TUBGCP2: variants seen among roughly 807,000 people sequenced by gnomAD.
The protein encoded by TUBGCP2 is tubulin gamma complex component 2.
In TUBGCP2, 55 loss-of-function variants were observed where a neutral mutation model predicts 92.2. That is an observed-to-expected ratio of 0.60 (90% CI 0.48 to 0.75). TUBGCP2 has a LOEUF of 0.75. Among genes scored for constraint, TUBGCP2 ranks in the 30% least tolerant of loss-of-function variants. The pLI, the probability that TUBGCP2 is intolerant of heterozygous loss-of-function variation, is 0.00. For synonymous variants in TUBGCP2, 533 were observed against 505.2 expected (o/e 1.06, Z -0.74); for missense variants, 1,093 against 1,188.9 (o/e 0.92, Z 1.19).
intron 7 of TUBGCP2, 108 bp from the exon 8 acceptor site, chr10:133,292,796 G>T: frequency 1.5e-6 from 2 of 1,358,726 alleles, no homozygotes; most frequent in Non-Finnish European, 1.0e-6. Context: ...TCCTGGGACG[G>T]TGCTGCTTCT....
chr10:133,298,664 C>G (rs1465868833), intron 4 of TUBGCP2, among the ~76,000 whole-genome samples: 1 of 152,248 alleles, frequency 6.6e-6, no homozygotes, highest in Non-Finnish European at 1.5e-5. Flanking sequence ...GCCCAGCTTT[C>G]GGAAGCACTG....
chr10:133,304,416 C>T (rs1260090600), intron 1 of TUBGCP2, among the ~76,000 whole-genome samples: 1 of 152,226 alleles, frequency 6.6e-6, no homozygotes, highest in Non-Finnish European at 1.5e-5. Flanking sequence ...AGCCGGTATC[C>T]ATGAGTAATC....
intron 1 of TUBGCP2, among the ~76,000 whole-genome samples, chr10:133,306,527 C>G (rs10444003): frequency 0.7 from 105,920 of 152,098 alleles, 39,482 homozygotes; most frequent in East Asian, 0.94. Flanking sequence ...GTGGCTCACG[C>G]CTGTAATCTC....
Position 133,293,116 on chromosome 10 carries a change from T to C in TUBGCP2, c.947A>G (p.Gln316Arg). 1 of 1,613,900 alleles carries C rather than the reference T, an allele frequency of 6.2e-7. No homozygotes were observed. Among genetic ancestry groups the C allele is most frequent in the Non-Finnish European group, 8.5e-7 (1 of 1,180,042 alleles). The change falls in exon 7 of 18, where the codon CAG (glutamine) becomes CGG (arginine). Residue 316 changes from glutamine (Q) to arginine (R), a missense_variant. Physicochemically the swap from Gln to Arg is conservative, Grantham distance 43. Transcript: ENST00000252936. ...GAGCTTCTGCAGCGAAAGGAGGCCC[T>C]GCCTGTGCAGCTGCTCCAGCTGTGA... ...LVSQLEQLHR[Q>R]GLLSLQKLWF...
Position 133,289,677 on chromosome 10 carries a change from C to G in TUBGCP2, c.1360+147G>C. On this transcript the variant is annotated intron_variant, in intron 9 of 17. Transcript: ENST00000252936. The stretch of plus-strand genomic sequence containing the variant: ...CCGCAGCCCAGCCCACGGGCCAGTC[C>G]TGACCTCAGCCCCGCATTCACGGAC... 6 of 1,049,898 alleles carry G rather than the reference C, an allele frequency of 5.7e-6. No homozygotes were observed. In the South Asian group the frequency reaches 9.4e-5, roughly 16 times the overall value. 65.0% of individuals were successfully genotyped at this position (1,049,898 alleles called of 1,614,324 possible).
At chr10:133,289,681 C>T (rs1564937721) in intron 9 of TUBGCP2, 143 bp downstream of exon 9, 3 of 1,080,794 alleles carry the variant, frequency 2.8e-6, no homozygotes, top group Non-Finnish European at 3.9e-6. Flanking sequence ...CCAGTCCTGA[C>T]CTCAGCCCCG....
At chr10:133,299,847 T>C (rs1847594301) in intron 3 of TUBGCP2, 138 bp downstream of exon 3, 6 of 1,257,682 alleles carry the variant, frequency 4.8e-6, no homozygotes, top group Non-Finnish European at 6.6e-6. Flanking sequence ...ACCAAAAATT[T>C]CCTACATGGC....
chr10:133,289,830 T>C lies in TUBGCP2; in HGVS notation c.1354A>G (p.Ser452Gly). The change falls in exon 9 of 18, where the codon AGC becomes GGC. Residue 452 changes from serine to glycine, a missense_variant. Ser to Gly is a moderately conservative substitution (Grantham distance 56, BLOSUM62 0). Transcript: ENST00000252936. ...CCCGCCCGCTGCGCCGCACCTGTGC[T>C]GAGGATCTTGTCCGCCATTTTCTGC... ...FLQKMADKIL[S>G]TGKYLNVVRE... 4.7e-5 allele frequency: 20 copies of C among 426,234 alleles called. No individual in the cohort carries two copies. The highest frequency in any genetic ancestry group is 6.5e-5 in the Non-Finnish European group (20 of 305,926). The allele number at this position is 426,234 out of a possible 1,614,324, so 26.4% of individuals were successfully genotyped here. A position where few individuals can be genotyped will look rare whatever the true frequency, so the allele number is the denominator to read the frequency against.
chr10:133,298,237 G>A (rs1847537284), intron 4 of TUBGCP2, 126 bp from the exon 5 acceptor site: 3 of 1,037,044 alleles, frequency 2.9e-6, no homozygotes, highest in Non-Finnish European at 2.8e-6. Flanking sequence ...CCCACAAAGG[G>A]TCAACCACAT....
At chr10:133,302,362 C>T (rs573120124) in intron 2 of TUBGCP2, 20 of 186,522 alleles carry the variant, frequency 1.1e-4, no homozygotes, top group African/African-American at 2.5e-4. Flanking sequence ...CCCTGCACCC[C>T]GCACAGCCCT....
At chr10:133,309,674 G>A, upstream of TUBGCP2, 2 of 1,399,066 alleles carry the variant, frequency 1.4e-6, no homozygotes, top group Non-Finnish European at 2.0e-6. Flanking sequence ...TGCAAAAGAT[G>A]CATAGGGGCT....
rs183455581 is a variant in TUBGCP2, at chr10:133,296,141, C to T, written c.616+1811G>A. Among the ~76,000 whole-genome samples, 59 of 152,352 alleles carry T rather than the reference C, an allele frequency of 3.9e-4. No individual in the cohort carries two copies. The East Asian group carries it at 9.6e-3, about 25-fold the overall frequency. ...ACACACTTGCTGCCAATCACCGCCA[C>T]GCTCAGAGCTGCCCACGGCGCCGCA... On this transcript the variant is annotated intron_variant, in intron 5 of 17. Coordinates refer to ENST00000252936, the MANE Select transcript of TUBGCP2 (RefSeq NM_006659.4).
chr10:133,296,231 A>T (rs1344803622), intron 5 of TUBGCP2, among the ~76,000 whole-genome samples: 2 of 152,114 alleles, frequency 1.3e-5, no homozygotes, highest in Non-Finnish European at 2.9e-5. Context: ...ACATGGGGGG[A>T]AAGCCTGAAC....
At chr10:133,301,622 T>C (rs919680447) in intron 2 of TUBGCP2, 3 of 151,760 alleles carry the variant, frequency 2.0e-5, no homozygotes, top group African/African-American at 7.3e-5. Flanking sequence ...TGAAAATCTA[T>C]ACTTCTGAAT....
chr10:133,309,484 T>C, upstream of TUBGCP2: 1 of 1,607,508 alleles, frequency 6.2e-7, no homozygotes, highest in South Asian at 1.1e-5. Context: ...GGGCAGTGCC[T>C]AGCCAGTGCT....
intron 1 of TUBGCP2, 71 bp from the exon 2 acceptor site, chr10:133,303,051 A>G (rs1262732838): frequency 5.0e-6 from 7 of 1,401,714 alleles, no homozygotes; most frequent in Non-Finnish European, 2.9e-6. Context: ...TAAACACTCA[A>G]GACTGGCCAA....
chr10:133,285,435 G>A lies in TUBGCP2; in HGVS notation c.1895+21C>T. ...AAACCTGAGTGAAGATCTGGCAGGT[G>A]CCCGAGCAGCCGACCCGCACCTGTT... is the stretch of plus-strand genomic sequence containing the variant. On this transcript the variant is annotated intron_variant, in intron 12 of 17. Coordinates refer to ENST00000252936, the MANE Select transcript of TUBGCP2 (RefSeq NM_006659.4). The surrounding 1 kb of genome is among the most constrained non-coding windows in gnomAD (Gnocchi z 6.8). 1 of 1,612,944 alleles carries A rather than the reference G, an allele frequency of 6.2e-7. No individual in the cohort carries two copies. The highest frequency in any genetic ancestry group is 2.2e-5 in the East Asian group (1 of 44,856).
intron 5 of TUBGCP2, chr10:133,295,067 T>C (rs1170156659): frequency 6.6e-6 from 1 of 151,784 alleles, no homozygotes; most frequent in African/African-American, 2.4e-5. Context: ...CCAATGCCCT[T>C]GTGGGGAGAA....
Position 133,289,893 on chromosome 10 carries a change from G to C in TUBGCP2, c.1291C>G (p.Arg431Gly). ...ATCTGCTGCTGGACGATGGTGTACC[G>C]CTGGTCCCAGTACTTGTCGTTGTAA... ...EDYNDKYWDQ[R>G]YTIVQQQIPS... is the part of the protein sequence containing the mutation. The change falls in exon 9 of 18, where the codon CGG (arginine) becomes GGG (glycine). Residue 431 changes from arginine to glycine, a missense_variant. Arg to Gly is a moderately radical substitution (Grantham distance 125). Coordinates refer to ENST00000252936, the MANE Select transcript of TUBGCP2 (RefSeq NM_006659.4). 3.1e-6 allele frequency: 5 copies of C among 1,603,976 alleles called. No individual in the cohort carries two copies. Among genetic ancestry groups the C allele is most frequent in the Non-Finnish European group, 4.3e-6 (5 of 1,175,790 alleles).
Sources: allele counts gnomAD v4.1 joint callset (sites outside exome capture counted in the v4.1 genomes callset), GRCh38; gene constraint gnomAD v4.1.1; non-coding constraint Gnocchi (gnomAD v3.1); transcripts MANE v1.5; gene names NCBI Gene and HGNC (gene_info 2026-07-23, HGNC 2026-07-21).